PALM2AKAP2: variants seen among roughly 807,000 people sequenced by gnomAD.
PALM2AKAP2 encodes the protein PALM2-AKAP2 fusion protein.
A neutral mutation model predicts 71.5 loss-of-function variants in PALM2AKAP2; 37 were observed. The ratio of observed to expected loss-of-function variants is 0.52; its 90% CI spans 0.40 to 0.68. The LOEUF is 0.68. Among genes scored for constraint, PALM2AKAP2 ranks in the 30% least tolerant of loss-of-function variants. The pLI is 0.00. For missense variants in PALM2AKAP2, 1,224 were observed against 1,191.8 expected, an observed-to-expected ratio of 1.03 and a Z score of -0.40; for synonymous variants, 468 against 478.8, an observed-to-expected ratio of 0.98 and a Z score of 0.29.
chr9:110,094,222 G>T (rs528726262), intron 1 of PALM2AKAP2, among the ~76,000 whole-genome samples: 292 of 152,278 alleles, frequency 1.9e-3, no homozygotes, highest in African/African-American at 6.6e-3. Context: ...CTGCATCTTT[G>T]TATGTCTAAT....
chr9:110,136,979 A>G (rs769276387), exon 2 of PALM2AKAP2: 1 of 1,614,162 alleles, frequency 6.2e-7, no homozygotes. Flanking sequence ...CCCGCAGGAA[A>G]AAACCATCGA....
chr9:110,062,919 CCA>C (rs1267928771), intron 1 of PALM2AKAP2, among the ~76,000 whole-genome samples: 1 of 152,106 alleles, frequency 6.6e-6, no homozygotes, highest in Non-Finnish European at 1.5e-5. Context: ...TATATTTTGC[CCA>C]CAGGGAAATT....
At chr9:109,811,812 A>G (rs928009913) in intron 1 of PALM2AKAP2, among the ~76,000 whole-genome samples, 1 of 152,230 alleles carries the variant, frequency 6.6e-6, no homozygotes, top group Non-Finnish European at 1.5e-5. Flanking sequence ...GCCTCAAGCC[A>G]TCCTCCTACC....
intron 3 of PALM2AKAP2, among the ~76,000 whole-genome samples, chr9:109,923,163 T>A (rs1830876280): frequency 6.6e-6 from 1 of 152,266 alleles, no homozygotes; most frequent in East Asian, 1.9e-4. Context: ...CTGTGAAAAT[T>A]GAGGAAAGTT....
chr9:109,932,175 C>T (rs1050577277), intron 6 of PALM2AKAP2, 147 bp downstream of exon 6: 3 of 880,706 alleles, frequency 3.4e-6, no homozygotes, highest in Non-Finnish European at 4.8e-6. Context: ...ACAGTGGCCA[C>T]ACAAGGCAGG....
At chr9:109,755,015 C>T (rs1369753959) in intron 1 of PALM2AKAP2, among the ~76,000 whole-genome samples, 1 of 152,004 alleles carries the variant, frequency 6.6e-6, no homozygotes, top group African/African-American at 2.4e-5. Flanking sequence ...TCTGCTGACT[C>T]TCCTGCCAAC....
chr9:110,044,889 G>A (rs2132475632), upstream of PALM2AKAP2, among the ~76,000 whole-genome samples: 1 of 152,230 alleles, frequency 6.6e-6, no homozygotes, highest in South Asian at 2.1e-4. Flanking sequence ...TGTTCTCTAA[G>A]TTTGGGGGCA....
chr9:109,909,620 G>C (rs1451582435), intron 3 of PALM2AKAP2, among the ~76,000 whole-genome samples: 1 of 152,190 alleles, frequency 6.6e-6, no homozygotes, highest in African/African-American at 2.4e-5. Context: ...ATGAATGAGT[G>C]ATTAAAATAC....
chr9:109,674,836 T>A (rs1827626382), intron 1 of PALM2AKAP2, among the ~76,000 whole-genome samples: 2 of 152,110 alleles, frequency 1.3e-5, no homozygotes, highest in African/African-American at 4.8e-5. Flanking sequence ...ATCTTAAAAA[T>A]CAAATATAGA....
chr9:110,008,028 A>T (rs567521920), intron 6 of PALM2AKAP2, among the ~76,000 whole-genome samples: 1 of 152,330 alleles, frequency 6.6e-6, no homozygotes, highest in African/African-American at 2.4e-5. Context: ...TTATGACTAT[A>T]GTCAAATTAG....
At chr9:109,757,400 G>A (rs1473661700) in intron 1 of PALM2AKAP2, among the ~76,000 whole-genome samples, 1 of 152,216 alleles carries the variant, frequency 6.6e-6, no homozygotes, top group African/African-American at 2.4e-5. Context: ...AGCCTTTGAT[G>A]CCTGGTGCCC....
intron 6 of PALM2AKAP2, among the ~76,000 whole-genome samples, chr9:109,969,918 T>C (rs1158025031): frequency 2.0e-5 from 3 of 152,040 alleles, no homozygotes; most frequent in Non-Finnish European, 4.4e-5. Flanking sequence ...GCAAAAGACC[T>C]GAAGGCCCAT....
chr9:109,760,709 C>G (rs1829037437), intron 1 of PALM2AKAP2: 1 of 152,146 alleles, frequency 6.6e-6, no homozygotes. Context: ...CAGAAACTAG[C>G]ACTGTGTTAG....
intron 2 of PALM2AKAP2, among the ~76,000 whole-genome samples, chr9:109,868,030 G>A (rs1829502823): frequency 6.6e-6 from 1 of 152,124 alleles, no homozygotes. Flanking sequence ...TAAACGATGT[G>A]ATCTGATAAA....
intron 7 of PALM2AKAP2, among the ~76,000 whole-genome samples, chr9:110,026,224 C>T (rs186316990): frequency 6.6e-4 from 100 of 152,152 alleles, no homozygotes; most frequent in Non-Finnish European, 9.6e-4. Context: ...GGACTATAGG[C>T]GTGCAGCACC....
chr9:110,086,012 C>T (rs550040255), intron 1 of PALM2AKAP2, among the ~76,000 whole-genome samples: 141 of 150,170 alleles, frequency 9.4e-4, no homozygotes, highest in African/African-American at 3.3e-3. Flanking sequence ...GAGGTTGAGG[C>T]AGGAGAATCG....
At chr9:109,662,447 C>T (rs1479885192) in intron 1 of PALM2AKAP2, among the ~76,000 whole-genome samples, 8 of 152,098 alleles carry the variant, frequency 5.3e-5, no homozygotes, top group Admixed American at 3.9e-4. Flanking sequence ...GTCTTTGGTT[C>T]TGTTTATGTG....
At position 109,923,636 on chromosome 9, in the gene PALM2AKAP2, G is replaced by T. The variant is rs1429096679; in HGVS notation, c.258-99G>T. The T allele has an allele frequency of 8.5e-6, 11 of 1,297,054 alleles. No individual in the cohort carries two copies. In the East Asian group the frequency reaches 2.9e-4, roughly 34 times the overall value. The allele number at this position is 1,297,054 out of a possible 1,614,324, so 80.3% of individuals were successfully genotyped here. ...CTCAGCGTAATGTAAAACAAAGGCTGCCAGGAAGGTACAAATCGCCCAACA... is the reference window on the plus strand; with the variant it reads ...CTCAGCGTAATGTAAAACAAAGGCTTCCAGGAAGGTACAAATCGCCCAACA... On this transcript the variant is annotated intron_variant, in intron 3 of 9. Coordinates refer to the PALM2AKAP2 transcript ENST00000302798.
chr9:109,963,187 A>AG (rs1329098892), intron 6 of PALM2AKAP2, among the ~76,000 whole-genome samples: 1 of 152,158 alleles, frequency 6.6e-6, no homozygotes, highest in East Asian at 1.9e-4. Context: ...GACTGAGCAA[A>AG]GGGCCTGAAA....
Sources: gnomAD v4.1 joint callset for allele counts (sites outside exome capture counted in the v4.1 genomes callset) on GRCh38, gnomAD v4.1.1 for gene constraint, MANE v1.5 for transcripts, NCBI Gene and HGNC (gene_info 2026-07-23, HGNC 2026-07-21) for gene names.